The following CPLANE1 variants were observed in gnomAD, a reference collection of about 807,000 sequenced individuals.
CPLANE1 encodes the protein ciliogenesis and planar polarity effector 1.
In CPLANE1, 263 loss-of-function variants were observed where a neutral mutation model predicts 362.5. That is an observed-to-expected ratio of 0.73 (90% CI 0.66 to 0.80). CPLANE1 has a LOEUF of 0.80. CPLANE1 is among the 30% of genes least tolerant of loss of function. The pLI is 0.00. For missense variants in CPLANE1, 3,461 were observed against 3,793.4 expected, an observed-to-expected ratio of 0.91 and a Z score of 2.30; for synonymous variants, 1,212 against 1,302.6, an observed-to-expected ratio of 0.93 and a Z score of 1.50.
At chr5:37,202,851 G>A (rs1272237224) in intron 18 of CPLANE1, among the ~76,000 whole-genome samples, 1 of 151,710 alleles carries the variant, frequency 6.6e-6, no homozygotes, top group Non-Finnish European at 1.5e-5. Context: ...TCTTTCTGTT[G>A]TGTGTTCTAC....
chr5:37,165,908 G>T, intron 35 of CPLANE1, among the ~76,000 whole-genome samples: 1 of 152,110 alleles, frequency 6.6e-6, no homozygotes, highest in East Asian at 1.9e-4. Flanking sequence ...TTAGTCACTG[G>T]AATCTAAGGA....
intron 37 of CPLANE1, among the ~76,000 whole-genome samples, chr5:37,163,247 G>A (rs1777345967): frequency 1.3e-5 from 2 of 152,170 alleles, no homozygotes; most frequent in Non-Finnish European, 2.9e-5. Flanking sequence ...TTAAATTTAA[G>A]AATTACAAAG....
At chr5:37,090,119 G>T in the CPLANE1 span, among the ~76,000 whole-genome samples, 1 of 152,126 alleles carries the variant, frequency 6.6e-6, no homozygotes, top group Non-Finnish European at 1.5e-5. Context: ...TTAAAGACTA[G>T]CAACTAGCAA....
At position 37,205,365 on chromosome 5, in the gene CPLANE1, G is replaced by C. The variant is rs1172631763; in HGVS notation, c.3239C>G (p.Ala1080Gly). 1 of 1,550,370 alleles carries C rather than the reference G, an allele frequency of 6.5e-7. No homozygotes were observed. Among genetic ancestry groups the C allele is most frequent in the Admixed American group, 2.0e-5 (1 of 50,856 alleles). Residue 1080 changes from alanine (A) to glycine (G), a missense_variant, in exon 18 of 53, where the codon GCC becomes GGC. Physicochemically the swap from Ala to Gly is moderately conservative, Grantham distance 60. Coordinates refer to ENST00000651892, the MANE Select transcript of CPLANE1 (RefSeq NM_001384732.1). ...EKLQCVLGQP[A>G]SLEAKNEMGS... ...CATTTCATTTTTTGCTTCCAAAGAG[G>C]CTGGTTGACCTAAAACACACTGCAG...
intron 15 of CPLANE1, among the ~76,000 whole-genome samples, chr5:37,215,096 C>A (rs556822513): frequency 6.6e-6 from 1 of 152,054 alleles, no homozygotes; most frequent in East Asian, 1.9e-4. Context: ...ATTGCCCAGG[C>A]TGGAGTGCAA....
At chr5:37,168,770 T>G (rs1466654317) in intron 34 of CPLANE1, 21 bp downstream of exon 34, 3 of 1,591,480 alleles carry the variant, frequency 1.9e-6, no homozygotes. Flanking sequence ...GCTTTTGCAT[T>G]ACCATACAAA....
chr5:37,198,908 G>A (rs1173634289), intron 19 of CPLANE1, 42 bp from the exon 20 acceptor site: 1 of 1,567,398 alleles, frequency 6.4e-7, no homozygotes, highest in Non-Finnish European at 8.7e-7. Context: ...CTAGTAATGA[G>A]AAAATTTAGA....
intron 50 of CPLANE1, among the ~76,000 whole-genome samples, chr5:37,115,755 C>G (rs969068025): frequency 6.6e-6 from 1 of 151,694 alleles, no homozygotes; most frequent in Non-Finnish European, 1.5e-5. Context: ...CACCACCATG[C>G]CTGGCTACTT....
intron 26 of CPLANE1, among the ~76,000 whole-genome samples, chr5:37,181,568 AT>A (rs1580485204): frequency 6.6e-6 from 1 of 152,178 alleles, no homozygotes; most frequent in East Asian, 1.9e-4. Flanking sequence ...TAATCCCAAC[AT>A]TTTGAGAGGC....
At chr5:37,179,612 A>T (rs567794807) in intron 28 of CPLANE1, among the ~76,000 whole-genome samples, 169 bp from the exon 29 acceptor site, 1 of 152,320 alleles carries the variant, frequency 6.6e-6, no homozygotes, top group East Asian at 1.9e-4. Flanking sequence ...CATCTTCATC[A>T]GGTAAATCCC....
chr5:37,082,779 A>AAG, the CPLANE1 span, among the ~76,000 whole-genome samples: 6 of 151,980 alleles, frequency 3.9e-5, no homozygotes, highest in Non-Finnish European at 8.8e-5. Flanking sequence ...AAAAAAAAAA[A>AAG]AAGAAAAAAG....
chr5:37,152,060 T>C (rs1773707508), intron 42 of CPLANE1, among the ~76,000 whole-genome samples: 1 of 152,240 alleles, frequency 6.6e-6, no homozygotes, highest in Admixed American at 6.5e-5. Flanking sequence ...ACCTAATAAA[T>C]ACATTTTTTA....
intron 48 of CPLANE1, 56 bp downstream of exon 48, chr5:37,122,374 A>G (rs369404796): frequency 1.3e-4 from 179 of 1,348,028 alleles, no homozygotes; most frequent in Non-Finnish European, 1.7e-4. Flanking sequence ...GCATTAATCT[A>G]TGCCTCAGCT....
chr5:37,182,163 A>C (rs1391771460), intron 26 of CPLANE1, among the ~76,000 whole-genome samples: 1 of 152,104 alleles, frequency 6.6e-6, no homozygotes, highest in Non-Finnish European at 1.5e-5. Flanking sequence ...AAAAAATAAA[A>C]CAAATTCACA....
At chr5:37,178,854 A>G (rs1781939212) in intron 29 of CPLANE1, among the ~76,000 whole-genome samples, 1 of 152,088 alleles carries the variant, frequency 6.6e-6, no homozygotes, top group Non-Finnish European at 1.5e-5. Context: ...AAACTCCTGG[A>G]GTCAAATGAT....
At chr5:37,156,098 T>C (rs73750941) in intron 41 of CPLANE1, among the ~76,000 whole-genome samples, 4,323 of 152,294 alleles carry the variant, frequency 0.028, 218 homozygotes, top group African/African-American at 0.098. Flanking sequence ...TCCTTGCTCC[T>C]CATGTCTCCT....
intron 21 of CPLANE1, among the ~76,000 whole-genome samples, chr5:37,190,402 TATGAAAAA>T (rs1190968668): frequency 3.4e-5 from 5 of 149,134 alleles, no homozygotes; most frequent in Non-Finnish European, 7.4e-5. Context: ...GCCCTGTCTT[TATGAAAAA>T]ATGAAAAAAA....
Position 37,167,038 on chromosome 5 carries a change from A to G in CPLANE1, c.7400+9T>C. 6.3e-7 allele frequency: 1 copy of G among 1,598,986 alleles called. No homozygotes were observed. On this transcript the variant is annotated intron_variant, in intron 35 of 52. Coordinates refer to ENST00000651892, the MANE Select transcript of CPLANE1 (RefSeq NM_001384732.1). ...GATATTATCAAATAAAATTTCACTT[A>G]AGCCTTGCCTTTTTTTACTGTCCTT...
intron 16 of CPLANE1, chr5:37,211,768 A>C (rs1245513987): frequency 1.3e-6 from 1 of 790,448 alleles, no homozygotes. Flanking sequence ...TACTGGAGAC[A>C]AAATGAACTT....
Sources: allele counts gnomAD v4.1 joint callset (sites outside exome capture counted in the v4.1 genomes callset), GRCh38; gene constraint gnomAD v4.1.1; transcripts MANE v1.5; gene names NCBI Gene and HGNC (gene_info 2026-07-23, HGNC 2026-07-21).